The following IFT57 variants were observed in gnomAD, a reference collection of about 807,000 sequenced individuals.
IFT57 encodes intraflagellar transport 57, also known as intraflagellar transport protein 57 homolog.
A neutral mutation model predicts 56.8 loss-of-function variants in IFT57; 59 were observed. That is an observed-to-expected ratio of 1.04 (90% CI 0.84 to 1.29). The LOEUF (loss-of-function observed/expected upper bound fraction) is 1.29, where lower values mean the gene tolerates loss of function less well. Among genes scored for constraint, IFT57 ranks in the 50% most tolerant of loss-of-function variants. The pLI, the probability that IFT57 is intolerant of heterozygous loss-of-function variation, is 0.00. For synonymous variants in IFT57, 209 were observed against 186.1 expected, an observed-to-expected ratio of 1.12 and a Z score of -1.00; for missense variants, 470 against 522.1, an observed-to-expected ratio of 0.90 and a Z score of 0.97.
intron 6 of IFT57, among the ~76,000 whole-genome samples, chr3:108,190,438 G>C (rs1483062437): frequency 6.6e-6 from 1 of 152,188 alleles, no homozygotes; most frequent in Non-Finnish European, 1.5e-5. Context: ...TTGTGAAAGT[G>C]AGTGAGTTCT....
intron 5 of IFT57, 145 bp downstream of exon 5, chr3:108,206,483 T>C (rs1173831227): frequency 3.0e-6 from 1 of 331,640 alleles, no homozygotes; most frequent in Non-Finnish European, 5.6e-6. Flanking sequence ...ATTATAACAT[T>C]TTATATATAG....
chr3:108,175,847 TAAAGAATTATTG>T (rs1411511941), intron 6 of IFT57, among the ~76,000 whole-genome samples: 1 of 151,590 alleles, frequency 6.6e-6, no homozygotes, highest in East Asian at 1.9e-4. Context: ...GGCATAGTGC[TAAAGAATTATTG>T]ATAGAAAAAA....
chr3:108,222,362 G>A lies in IFT57; in HGVS notation c.-40C>T. 6.5e-7 allele frequency: 1 copy of A among 1,543,870 alleles called. No homozygotes were observed. Among genetic ancestry groups the A allele is most frequent in the Non-Finnish European group, 8.7e-7 (1 of 1,145,834 alleles). ...AGTCCAGCGTGGGCTCAGGCCCACA[G>A]ACCTCTGCGGCCTAAGCCGCCAGCC... On this transcript the variant is annotated 5_prime_UTR_variant, in exon 1 of 11. Coordinates refer to ENST00000264538, the MANE Select transcript of IFT57 (RefSeq NM_018010.4).
chr3:108,206,038 TAA>T (rs2080310366), intron 5 of IFT57, among the ~76,000 whole-genome samples: 1 of 124,374 alleles, frequency 8.0e-6, no homozygotes, highest in Admixed American at 9.5e-5. Context: ...ATATTATTTA[TAA>T]TATATATTAT....
chr3:108,214,451 AC>A (rs2080359908), intron 3 of IFT57, among the ~76,000 whole-genome samples: 1 of 152,150 alleles, frequency 6.6e-6, no homozygotes, highest in African/African-American at 2.4e-5. Flanking sequence ...CATTACACAT[AC>A]CATTTAGAAT....
At position 108,191,531 on chromosome 3, in the gene IFT57, G is replaced by GA; in HGVS notation, c.766_767insT (p.Thr256IlefsTer2). 6.3e-7 allele frequency: 1 copy of GA among 1,596,318 alleles called. No homozygotes were observed. Among genetic ancestry groups the GA allele is most frequent in the Non-Finnish European group, 8.5e-7 (1 of 1,171,666 alleles). ...TTCCCACTTTGATACCTTATTGTCA[G>GA]TCCTAATCGTGACTTTCAGTTGCGG... On this transcript the variant is annotated frameshift_variant, in exon 6 of 11. Transcript: ENST00000264538. LOFTEE classifies it high-confidence loss of function.
At chr3:108,171,399 G>A (rs1030224832) in intron 6 of IFT57, among the ~76,000 whole-genome samples, 1 of 151,866 alleles carries the variant, frequency 6.6e-6, no homozygotes, top group African/African-American at 2.4e-5. Context: ...CTGGCTACCT[G>A]ATAGTGAGGG....
chr3:108,204,119 A>C (rs961209538), intron 5 of IFT57, among the ~76,000 whole-genome samples: 2 of 152,132 alleles, frequency 1.3e-5, no homozygotes, highest in Admixed American at 6.5e-5. Flanking sequence ...CCAAACCATC[A>C]TAAGCTGTAG....
intron 4 of IFT57, among the ~76,000 whole-genome samples, chr3:108,209,450 T>G (rs2080331711): frequency 6.6e-6 from 1 of 152,182 alleles, no homozygotes; most frequent in Non-Finnish European, 1.5e-5. Context: ...TTTAAGAAGA[T>G]GTACATGGAT....
chr3:108,207,894 T>C (rs2080322073), intron 4 of IFT57, among the ~76,000 whole-genome samples: 1 of 151,938 alleles, frequency 6.6e-6, no homozygotes, highest in Admixed American at 6.6e-5. Context: ...ATACAAAAAA[T>C]TAGCCGGGCG....
At chr3:108,180,069 A>G (rs2080144085) in intron 6 of IFT57, among the ~76,000 whole-genome samples, 1 of 152,018 alleles carries the variant, frequency 6.6e-6, no homozygotes, top group Admixed American at 6.6e-5. Context: ...TCGGTAAGGA[A>G]GGCTATGATA....
chr3:108,217,971 G>A (rs944033583), intron 3 of IFT57, among the ~76,000 whole-genome samples: 1 of 149,348 alleles, frequency 6.7e-6, no homozygotes, highest in East Asian at 1.9e-4. Context: ...AAGAATGTCA[G>A]AATAGTAAAG....
At chr3:108,204,921 A>C (rs2080301186) in intron 5 of IFT57, among the ~76,000 whole-genome samples, 1 of 152,352 alleles carries the variant, frequency 6.6e-6, no homozygotes, top group South Asian at 2.1e-4. Context: ...AGGTCAGTAA[A>C]GAAATGTGTT....
At chr3:108,209,605 G>A (rs1453861650) in intron 4 of IFT57, among the ~76,000 whole-genome samples, 1 of 152,222 alleles carries the variant, frequency 6.6e-6, no homozygotes, top group Non-Finnish European at 1.5e-5. Flanking sequence ...TGAATCAGTA[G>A]ACTGAGTAAA....
chr3:108,165,830 C>G (rs1282419456), intron 8 of IFT57, among the ~76,000 whole-genome samples: 1 of 151,982 alleles, frequency 6.6e-6, no homozygotes. Context: ...GCATGCTCCG[C>G]AGAGAAAGTC....
intron 1 of IFT57, among the ~76,000 whole-genome samples, chr3:108,221,239 G>A (rs1473898185): frequency 1.3e-5 from 2 of 152,192 alleles, no homozygotes; most frequent in Non-Finnish European, 2.9e-5. Context: ...TAGACATTAA[G>A]TACTATAGAT....
chr3:108,172,766 T>C (rs2080101693), intron 6 of IFT57, among the ~76,000 whole-genome samples: 1 of 151,804 alleles, frequency 6.6e-6, no homozygotes, highest in South Asian at 2.1e-4. Context: ...CTTGAGGAAC[T>C]GAGGGGATAT....
chr3:108,215,927 C>A (rs1301154427), intron 3 of IFT57, among the ~76,000 whole-genome samples: 2 of 152,054 alleles, frequency 1.3e-5, no homozygotes, highest in Admixed American at 6.5e-5. Flanking sequence ...AACTGGATAT[C>A]CACATGCAAA....
rs202070886 is a variant in IFT57, at chr3:108,191,506, T to C, written c.777+15A>G. ...TTTTTTTTTTTTTTAAGAAAATGTG[T>C]TCCCACTTTGATACCTTATTGTCAG... On this transcript the variant is annotated intron_variant, in intron 6 of 10. Transcript: ENST00000264538. The C allele has an allele frequency of 2.2e-4, 345 of 1,540,542 alleles. No individual in the cohort carries two copies. The highest frequency in any genetic ancestry group is 5.2e-4 in the Admixed American group (24 of 45,884).
Sources: allele counts gnomAD v4.1 joint callset (sites outside exome capture counted in the v4.1 genomes callset), GRCh38; gene constraint gnomAD v4.1.1; transcripts MANE v1.5; gene names NCBI Gene and HGNC (gene_info 2026-07-23, HGNC 2026-07-21).